HPSE2: variants seen among roughly 807,000 people sequenced by gnomAD.
The protein encoded by HPSE2 is inactive heparanase-2.
Under a neutral mutation model 60.5 loss-of-function variants are expected in HPSE2, and 38 were observed. The observed-to-expected ratio is 0.63, with a 90% CI of 0.48 to 0.82. The LOEUF is 0.82. HPSE2 is among the 40% of genes least tolerant of loss of function. HPSE2 has a pLI of 0.00. For missense variants in HPSE2, 713 were observed against 740.4 expected (o/e 0.96, Z 0.43); for synonymous variants, 295 against 293.2 (o/e 1.01, Z -0.06).
At chr10:99,109,584 T>C (rs1242188833) in intron 3 of HPSE2, among the ~76,000 whole-genome samples, 2 of 152,148 alleles carry the variant, frequency 1.3e-5, no homozygotes, top group Non-Finnish European at 2.9e-5. Flanking sequence ...GTCTCTTTAC[T>C]GCCTCTTCAT....
At chr10:98,778,264 C>CAGAGAGAGAGAGAGTG (rs1950385789) in intron 3 of HPSE2, among the ~76,000 whole-genome samples, 1 of 112,654 alleles carries the variant, frequency 8.9e-6, no homozygotes, top group East Asian at 2.4e-4. Flanking sequence ...GAGAGAGAGA[C>CAGAGAGAGAGAGAGTG]AGAGAGAGAG....
chr10:98,751,443 T>C (rs543291999), intron 3 of HPSE2, among the ~76,000 whole-genome samples: 1 of 152,324 alleles, frequency 6.6e-6, no homozygotes, highest in South Asian at 2.1e-4. Flanking sequence ...CTTTTCTTAA[T>C]TGGCAAAAAT....
At chr10:99,218,919 A>G (rs1419614442) in intron 2 of HPSE2, among the ~76,000 whole-genome samples, 1 of 152,228 alleles carries the variant, frequency 6.6e-6, no homozygotes, top group African/African-American at 2.4e-5. Flanking sequence ...TGCTTTTCCA[A>G]CAATTACAAG....
intron 2 of HPSE2, among the ~76,000 whole-genome samples, chr10:99,199,984 T>C (rs1848521293): frequency 6.6e-6 from 1 of 152,154 alleles, no homozygotes; most frequent in African/African-American, 2.4e-5. Flanking sequence ...GTTTTCAGCA[T>C]AGTAGTCTTT....
intron 6 of HPSE2, among the ~76,000 whole-genome samples, chr10:98,662,588 A>C (rs1168255948): frequency 1.3e-5 from 2 of 152,182 alleles, no homozygotes; most frequent in Non-Finnish European, 2.9e-5. Context: ...GGATCAGAAA[A>C]ATAACCATTG....
At chr10:99,230,223 T>A (rs932923401) in intron 2 of HPSE2, among the ~76,000 whole-genome samples, 2 of 152,108 alleles carry the variant, frequency 1.3e-5, no homozygotes, top group Admixed American at 6.5e-5. Flanking sequence ...AAAACAGCTA[T>A]GAGGAAACAT....
At chr10:98,965,127 C>A in intron 3 of HPSE2, among the ~76,000 whole-genome samples, 1 of 152,198 alleles carries the variant, frequency 6.6e-6, no homozygotes, top group East Asian at 1.9e-4. Flanking sequence ...CCAGAATAAT[C>A]TTCCTGAAAT....
chr10:98,886,214 T>C (rs761323116), intron 3 of HPSE2, among the ~76,000 whole-genome samples: 30 of 152,116 alleles, frequency 2.0e-4, no homozygotes, highest in Non-Finnish European at 3.5e-4. Flanking sequence ...TCCTGCCACA[T>C]GGTTTTTCAA....
At chr10:99,104,954 C>T (rs1296599650) in intron 3 of HPSE2, among the ~76,000 whole-genome samples, 1 of 151,552 alleles carries the variant, frequency 6.6e-6, no homozygotes, top group Non-Finnish European at 1.5e-5. Flanking sequence ...GGAGATATAA[C>T]TAACGTAAAT....
chr10:98,828,316 T>A (rs1762868520), intron 3 of HPSE2, among the ~76,000 whole-genome samples: 2 of 152,182 alleles, frequency 1.3e-5, no homozygotes, highest in Admixed American at 1.3e-4. Flanking sequence ...GAATGAAAAT[T>A]TCAAGGATGG....
At chr10:99,070,068 T>C (rs984742562) in intron 3 of HPSE2, among the ~76,000 whole-genome samples, 1 of 152,126 alleles carries the variant, frequency 6.6e-6, no homozygotes, top group African/African-American at 2.4e-5. Flanking sequence ...TTTCTGTGCA[T>C]TAAGAATGTA....
intron 3 of HPSE2, among the ~76,000 whole-genome samples, chr10:98,861,643 T>C (rs1952460669): frequency 6.6e-6 from 1 of 152,196 alleles, no homozygotes; most frequent in Non-Finnish European, 1.5e-5. Flanking sequence ...CATTCAATAC[T>C]TGCCTTTTGA....
chr10:99,030,264 A>G (rs1376765335), intron 3 of HPSE2, among the ~76,000 whole-genome samples: 1 of 152,218 alleles, frequency 6.6e-6, no homozygotes, highest in Non-Finnish European at 1.5e-5. Flanking sequence ...GGAACAGCTC[A>G]TGTCCTTGGT....
chr10:99,276,785 C>T, the HPSE2 span, among the ~76,000 whole-genome samples: 1 of 152,096 alleles, frequency 6.6e-6, no homozygotes, highest in Admixed American at 6.6e-5. Context: ...TTTAGTTCTA[C>T]AGAAGTACCC....
chr10:98,721,148 G>T (rs1270244236), intron 5 of HPSE2, among the ~76,000 whole-genome samples: 2 of 151,778 alleles, frequency 1.3e-5, no homozygotes, highest in Non-Finnish European at 2.9e-5. Flanking sequence ...ATGATTGTCA[G>T]ATTCAGTCAA....
chr10:99,246,302 T>C, the HPSE2 span, among the ~76,000 whole-genome samples: 1 of 152,328 alleles, frequency 6.6e-6, no homozygotes, highest in African/African-American at 2.4e-5. Context: ...TCCTGCCACC[T>C]TGAGATCCAA....
At chr10:98,953,068 G>A (rs1259661492) in intron 3 of HPSE2, among the ~76,000 whole-genome samples, 1 of 152,126 alleles carries the variant, frequency 6.6e-6, no homozygotes, top group Admixed American at 6.5e-5. Context: ...GCCAGGGCCT[G>A]GAATGAGTCC....
intron 4 of HPSE2, among the ~76,000 whole-genome samples, chr10:98,724,219 T>G (rs1194468643): frequency 1.3e-5 from 2 of 152,166 alleles, no homozygotes; most frequent in Non-Finnish European, 2.9e-5. Context: ...CATTTCGTTA[T>G]GTACCCAGTA....
intron 3 of HPSE2, among the ~76,000 whole-genome samples, chr10:98,756,940 G>C (rs920150864): frequency 6.6e-6 from 1 of 152,052 alleles, no homozygotes; most frequent in Non-Finnish European, 1.5e-5. Flanking sequence ...CAAAATACTA[G>C]CAAACTAACT....
Sources: gnomAD v4.1 joint callset for allele counts (sites outside exome capture counted in the v4.1 genomes callset) on GRCh38, gnomAD v4.1.1 for gene constraint, MANE v1.5 for transcripts, NCBI Gene and HGNC (gene_info 2026-07-23, HGNC 2026-07-21) for gene names.